VWC2L: variants seen among roughly 807,000 people sequenced by gnomAD.
The protein encoded by VWC2L is von Willebrand factor C domain containing 2 like.
Under a neutral mutation model 21.6 loss-of-function variants are expected in VWC2L, and 10 were observed. The observed-to-expected ratio is 0.46, with a 90% confidence interval of 0.29 to 0.78. The LOEUF is 0.78. Among genes scored for constraint, VWC2L ranks in the 30% least tolerant of loss-of-function variants. The pLI, the probability that VWC2L is intolerant of heterozygous loss-of-function variation, is 0.10. For synonymous variants in VWC2L, 96 were observed against 94.3 expected, an observed-to-expected ratio of 1.02 and a Z score of -0.10; for missense variants, 209 against 277.1, an observed-to-expected ratio of 0.75 and a Z score of 1.74.
At chr2:214,489,411 G>A (rs1038660024) in intron 3 of VWC2L, among the ~76,000 whole-genome samples, 1 of 152,156 alleles carries the variant, frequency 6.6e-6, no homozygotes, top group African/African-American at 2.4e-5. Context: ...TCGTTAAAAA[G>A]CCACTGTGGT....
At chr2:214,497,260 G>A (rs1688825681) in intron 3 of VWC2L, among the ~76,000 whole-genome samples, 2 of 152,112 alleles carry the variant, frequency 1.3e-5, no homozygotes, top group African/African-American at 2.4e-5. Flanking sequence ...ATATTGTTCT[G>A]TGATAGGTCA....
chr2:214,457,449 T>TTGAC (rs985880714), intron 3 of VWC2L, among the ~76,000 whole-genome samples: 21 of 152,228 alleles, frequency 1.4e-4, no homozygotes, highest in African/African-American at 4.8e-4. Flanking sequence ...GAGTGGTAAT[T>TTGAC]TGACTCTCCC....
intron 3 of VWC2L, among the ~76,000 whole-genome samples, chr2:214,437,962 CCT>C (rs139723443): frequency 0.05 from 7,640 of 152,034 alleles, 589 homozygotes; most frequent in African/African-American, 0.17. Context: ...TCATCTCGCT[CCT>C]CTTTTTCTTC....
intron 2 of VWC2L, among the ~76,000 whole-genome samples, chr2:214,435,805 G>C (rs1182274927): frequency 3.3e-5 from 5 of 152,192 alleles, no homozygotes; most frequent in Non-Finnish European, 7.3e-5. Flanking sequence ...GAGAAAGTCA[G>C]AGGGTGGCCC....
intron 3 of VWC2L, among the ~76,000 whole-genome samples, chr2:214,464,493 GTC>G (rs1339775236): frequency 6.6e-6 from 1 of 152,044 alleles, no homozygotes; most frequent in Non-Finnish European, 1.5e-5. Flanking sequence ...TTCCCTCAGA[GTC>G]TCTCTCTCCA....
chr2:214,471,479 C>T (rs4673829), intron 3 of VWC2L, among the ~76,000 whole-genome samples: 24,866 of 152,094 alleles, frequency 0.16, 2,126 homozygotes, highest in East Asian at 0.26. Context: ...GTAGCTATGT[C>T]AGTTACTGTA....
intron 3 of VWC2L, among the ~76,000 whole-genome samples, chr2:214,459,057 T>C (rs951045317): frequency 1.3e-5 from 2 of 152,206 alleles, no homozygotes; most frequent in Non-Finnish European, 2.9e-5. Context: ...TCTCTCCTTT[T>C]AGATCTAGTA....
Position 214,414,249 on chromosome 2 carries a change from T to C in VWC2L, c.56T>C (p.Val19Ala). Residue 19 changes from valine (V) to alanine (A), a missense_variant, in exon 2 of 4, where the codon GTC becomes GCC. Coordinates refer to ENST00000312504, the MANE Select transcript of VWC2L (RefSeq NM_001080500.4). ...CILLLVIPGL[V>A]TSAAISHEDY... ...CTTCTGTTGGTCATCCCTGGATTGG[T>C]CACCTCTGCTGCTATCAGTCATGAA... is the stretch of plus-strand genomic sequence containing the variant. The C allele has an allele frequency of 6.2e-7, 1 of 1,613,736 alleles. No homozygotes were observed. Among genetic ancestry groups the C allele is most frequent in the Non-Finnish European group, 8.5e-7 (1 of 1,179,772 alleles).
chr2:214,503,364 A>G (rs1688922915), intron 3 of VWC2L, among the ~76,000 whole-genome samples: 1 of 152,178 alleles, frequency 6.6e-6, no homozygotes, highest in Non-Finnish European at 1.5e-5. Flanking sequence ...CAGAAAAAAA[A>G]ATGTAAACTT....
At chr2:214,529,911 CA>C (rs1261590825) in intron 3 of VWC2L, among the ~76,000 whole-genome samples, 1 of 152,150 alleles carries the variant, frequency 6.6e-6, no homozygotes, top group Non-Finnish European at 1.5e-5. Flanking sequence ...AAGGAACTGG[CA>C]GTTCCAGAAG....
chr2:214,506,423 T>C (rs1688968597), intron 3 of VWC2L, among the ~76,000 whole-genome samples: 1 of 152,174 alleles, frequency 6.6e-6, no homozygotes, highest in Non-Finnish European at 1.5e-5. Flanking sequence ...TCCTATACCC[T>C]TAACTCCTAT....
At chr2:214,554,697 A>T (rs1172045925) in intron 3 of VWC2L, among the ~76,000 whole-genome samples, 2 of 152,134 alleles carry the variant, frequency 1.3e-5, no homozygotes, top group Non-Finnish European at 2.9e-5. Context: ...AAAGCAAAAC[A>T]AATTCAGGCA....
intron 3 of VWC2L, among the ~76,000 whole-genome samples, chr2:214,471,965 A>G (rs1703315509): frequency 6.6e-6 from 1 of 152,168 alleles, no homozygotes; most frequent in Non-Finnish European, 1.5e-5. Context: ...GGACTCAGAC[A>G]ATCTGAGAGA....
At chr2:214,536,696 C>A (rs377334071) in intron 3 of VWC2L, 4 of 151,908 alleles carry the variant, frequency 2.6e-5, no homozygotes, top group East Asian at 1.9e-4. Flanking sequence ...AGAAAGTTTT[C>A]TAAAAATGTA....
chr2:214,558,245 A>G (rs1689905073), intron 3 of VWC2L, among the ~76,000 whole-genome samples: 1 of 152,124 alleles, frequency 6.6e-6, no homozygotes. Context: ...GTCTTCCCTT[A>G]AATGACAATG....
At chr2:214,542,911 T>C (rs531172834) in intron 3 of VWC2L, among the ~76,000 whole-genome samples, 1 of 152,324 alleles carries the variant, frequency 6.6e-6, no homozygotes, top group South Asian at 2.1e-4. Context: ...AAATATTTAT[T>C]GCACACCTCC....
At chr2:214,498,778 A>T (rs1191119428) in intron 3 of VWC2L, among the ~76,000 whole-genome samples, 2 of 149,774 alleles carry the variant, frequency 1.3e-5, no homozygotes, top group South Asian at 2.1e-4. Context: ...CATGTATTTT[A>T]ATATGTGTAC....
chr2:214,435,939 A>G (rs1241404052), intron 2 of VWC2L, among the ~76,000 whole-genome samples: 1 of 152,114 alleles, frequency 6.6e-6, no homozygotes, highest in Non-Finnish European at 1.5e-5. Context: ...TTTTCTCTTA[A>G]TTATCATTTT....
intron 3 of VWC2L, among the ~76,000 whole-genome samples, chr2:214,461,932 T>C (rs1016014977): frequency 1.3e-5 from 2 of 152,182 alleles, no homozygotes; most frequent in African/African-American, 4.8e-5. Context: ...GCCTCGCCAG[T>C]GAACTGCACT....
Sources: allele counts gnomAD v4.1 joint callset (sites outside exome capture counted in the v4.1 genomes callset), GRCh38; gene constraint gnomAD v4.1.1; transcripts MANE v1.5; gene names NCBI Gene and HGNC (gene_info 2026-07-23, HGNC 2026-07-21).